URGCP: variants seen among roughly 807,000 people sequenced by gnomAD.
URGCP encodes up-regulator of cell proliferation.
Under a neutral mutation model 24.6 loss-of-function variants are expected in URGCP, and 13 were observed. The observed-to-expected ratio is 0.53, with a 90% CI of 0.34 to 0.84. The LOEUF is 0.84. Among genes scored for constraint, URGCP ranks in the 40% least tolerant of loss-of-function variants. URGCP has a pLI of 0.01. For synonymous variants in URGCP, 444 were observed against 487.2 expected (o/e 0.91, Z 1.17); for missense variants, 899 against 1,194.3 (o/e 0.75, Z 3.64).
At chr7:43,926,592 C>T (rs748651999), upstream of URGCP, 2 of 1,551,772 alleles carry the variant, frequency 1.3e-6, no homozygotes, top group African/African-American at 2.8e-5. Context: ...CTTTGGGTGT[C>T]CGAAGCGTCG....
In URGCP at chr7:43,891,117, C is replaced by T. The variant is rs2730618; in HGVS notation, c.15-3301G>A. Among the ~76,000 whole-genome samples the T allele has an allele frequency of 9.2e-3, 1,401 of 152,302 alleles. 28 individuals are homozygous for T. Among genetic ancestry groups the T allele is most frequent in the African/African-American group, 0.026 (1,066 of 41,556 alleles). The stretch of plus-strand genomic sequence containing the variant: ...TAGGGGAAGTCACACCTTTGTTTTT[C>T]TGCTGACCTACCTCAGAATATGGCA... On this transcript the variant is annotated intron_variant, in intron 1 of 5. Coordinates refer to ENST00000453200, the MANE Select transcript of URGCP (RefSeq NM_001077663.3).
At chr7:43,920,886 T>G (rs2095921614) in intron 1 of URGCP, among the ~76,000 whole-genome samples, 3 of 152,190 alleles carry the variant, frequency 2.0e-5, no homozygotes, top group African/African-American at 7.2e-5. Flanking sequence ...CCCTGAAAAC[T>G]GCATGCTTTC....
rs548939560 is a variant in URGCP at position 43,887,397 on chromosome 7, C to A, written c.112+18G>T. 3 of 1,613,264 alleles carry A rather than the reference C, an allele frequency of 1.9e-6. No homozygotes were observed. The highest frequency in any genetic ancestry group is 2.5e-6 in the Non-Finnish European group (3 of 1,179,618). ...TTCAGCTCCAGAGTGGGCCCACATCCAATTCATCCAACTTTACCTGCAATG... is the reference window on the plus strand; with the variant it reads ...TTCAGCTCCAGAGTGGGCCCACATCAAATTCATCCAACTTTACCTGCAATG... On this transcript the variant is annotated intron_variant, in intron 3 of 5. Coordinates refer to ENST00000453200, the MANE Select transcript of URGCP (RefSeq NM_001077663.3).
intron 1 of URGCP, chr7:43,906,032 C>A (rs1469629963): frequency 1.3e-5 from 2 of 152,250 alleles, no homozygotes; most frequent in African/African-American, 4.8e-5. Flanking sequence ...GGCTCTCCGG[C>A]TGTCAGCAAA....
rs2095844031 is a variant in URGCP, at chr7:43,876,208, G to A, written c.*459C>T. 1 of 169,998 alleles carries A rather than the reference G, an allele frequency of 5.9e-6. No individual in the cohort carries two copies. Among genetic ancestry groups the A allele is most frequent in the African/African-American group, 2.4e-5 (1 of 41,684 alleles). The allele number at this position is 169,998 out of a possible 1,614,324, so 10.5% of individuals were successfully genotyped here. A position where few individuals can be genotyped will look rare whatever the true frequency, so the allele number is the denominator to read the frequency against. On this transcript the variant is annotated 3_prime_UTR_variant, in exon 6 of 6. Transcript: ENST00000453200. ...TGCACACCACGGGCACTCACATCTT[G>A]AATGCTGGTCCACTGGAGGCCCTTG...
In URGCP at chr7:43,877,389, G is replaced by T; in HGVS notation, c.2074C>A (p.Leu692Met). The change falls in exon 6 of 6, where the codon CTG becomes ATG. Residue 692 changes from leucine (L) to methionine (M), a missense_variant. Leu to Met is a conservative substitution (Grantham distance 15). Transcript: ENST00000453200. ...ACCCCGACGGTTGACAGAACCACCA[G>T]CCTTGACCGTCTCTCCAGTCGGACG... is the stretch of plus-strand genomic sequence containing the variant. The part of the protein sequence containing the change: ...LHVRLERRSR[L>M]VVLSTVGVPG... 6.2e-7 allele frequency: 1 copy of T among 1,613,122 alleles called. No homozygotes were observed. Among genetic ancestry groups the T allele is most frequent in the Non-Finnish European group, 8.5e-7 (1 of 1,180,020 alleles).
At chr7:43,898,850 A>C (rs2095884041) in intron 1 of URGCP, among the ~76,000 whole-genome samples, 1 of 150,218 alleles carries the variant, frequency 6.7e-6, no homozygotes, top group Non-Finnish European at 1.5e-5. Flanking sequence ...GTTAAAAAAA[A>C]AAAAGGCTGG....
intron 5 of URGCP, 119 bp from the exon 6 acceptor site, chr7:43,879,379 A>G: frequency 8.2e-7 from 1 of 1,221,580 alleles, no homozygotes; most frequent in Non-Finnish European, 1.1e-6. Flanking sequence ...TTCAGAGAGC[A>G]GAGTGCAGGC....
chr7:43,904,463 T>A (rs2095897383), intron 1 of URGCP, among the ~76,000 whole-genome samples: 1 of 152,192 alleles, frequency 6.6e-6, no homozygotes, highest in South Asian at 2.1e-4. Flanking sequence ...ATCCCTGCCC[T>A]TTATCTGTGG....
chr7:43,881,533 T>C (rs1766577099), intron 5 of URGCP, 126 bp downstream of exon 5: 2 of 1,125,162 alleles, frequency 1.8e-6, no homozygotes, highest in Admixed American at 2.4e-5. Context: ...GTTAATGAAG[T>C]AGGGCATCCT....
At chr7:43,914,526 A>T (rs1346372681) in intron 1 of URGCP, among the ~76,000 whole-genome samples, 1 of 152,050 alleles carries the variant, frequency 6.6e-6, no homozygotes, top group Non-Finnish European at 1.5e-5. Flanking sequence ...ATAAGAGTTT[A>T]ATTATGTGTC....
chr7:43,915,273 C>T (rs1048203214), intron 1 of URGCP, among the ~76,000 whole-genome samples: 2 of 152,168 alleles, frequency 1.3e-5, no homozygotes, highest in Non-Finnish European at 2.9e-5. Context: ...GTGGCCCATA[C>T]AGGGACATGA....
In URGCP at chr7:43,877,335, T is replaced by G. The variant is rs2095846305; in HGVS notation, c.2128A>C (p.Asn710His). The G allele has an allele frequency of 1.2e-6, 2 of 1,612,676 alleles. No individual in the cohort carries two copies. ...GCAAACCGCAGCCCAAACATGGTGTTGAGGAGTGTGGACTTGCCCGTGCCT... is the reference window on the plus strand; with the variant it reads ...GCAAACCGCAGCCCAAACATGGTGTGGAGGAGTGTGGACTTGCCCGTGCCT... ...VPGTGKSTLL[N>H]TMFGLRFATG... Residue 710 changes from asparagine to histidine, a missense_variant, in exon 6 of 6, where the codon AAC becomes CAC. Coordinates refer to ENST00000453200, the MANE Select transcript of URGCP (RefSeq NM_001077663.3).
At chr7:43,910,604 C>G (rs1291721012), upstream of URGCP, 2 of 151,882 alleles carry the variant, frequency 1.3e-5, no homozygotes, top group Admixed American at 1.3e-4. Flanking sequence ...CCTTTAATCC[C>G]AGCACTTTTA....
intron 1 of URGCP, among the ~76,000 whole-genome samples, chr7:43,904,952 AT>A (rs1374079280): frequency 9.9e-5 from 15 of 152,226 alleles, no homozygotes; most frequent in African/African-American, 3.1e-4. Context: ...TTTGTGGTGC[AT>A]GACTTGTATA....
intron 1 of URGCP, among the ~76,000 whole-genome samples, chr7:43,902,837 A>G (rs141348554): frequency 4.9e-4 from 75 of 152,316 alleles, no homozygotes; most frequent in African/African-American, 1.8e-3. Flanking sequence ...AGAACAAAAA[A>G]CAAAAGCAGG....
intron 1 of URGCP, among the ~76,000 whole-genome samples, chr7:43,923,278 A>AG (rs1443948750): frequency 7.6e-6 from 1 of 131,728 alleles, no homozygotes; most frequent in Non-Finnish European, 1.5e-5. Context: ...CACTGTGCCC[A>AG]GCCTTTTTTT....
exon 1 of URGCP, chr7:43,926,347 C>A (rs943228372): frequency 3.2e-5 from 9 of 285,124 alleles, no homozygotes; most frequent in South Asian, 3.0e-4. Flanking sequence ...GTAACCCGGG[C>A]AGCCCCGCTG....
At chr7:43,883,583 G>C (rs1033311975) in intron 3 of URGCP, among the ~76,000 whole-genome samples, 6 of 151,744 alleles carry the variant, frequency 4.0e-5, no homozygotes, top group Admixed American at 6.6e-5. Flanking sequence ...GGATGGTCTC[G>C]ATCTCCTGAC....
Sources: gnomAD v4.1 joint callset for allele counts (sites outside exome capture counted in the v4.1 genomes callset) on GRCh38, gnomAD v4.1.1 for gene constraint, MANE v1.5 for transcripts, NCBI Gene and HGNC (gene_info 2026-07-23, HGNC 2026-07-21) for gene names.